Variants in CALD1 observed in about 807,000 individuals in gnomAD.
CALD1 encodes caldesmon 1.
Under a neutral mutation model 99.9 loss-of-function variants are expected in CALD1, and 33 were observed. The observed-to-expected ratio is 0.33, with a 90% confidence interval of 0.25 to 0.44. CALD1 has a LOEUF of 0.44. CALD1 is among the 20% of genes least tolerant of loss of function. The probability of loss-of-function intolerance (pLI) is 1.00; values close to 1 mark genes in which losing one functional copy is unlikely to be tolerated. For synonymous variants in CALD1, 310 were observed against 325.0 expected (o/e 0.95, Z 0.50); for missense variants, 861 against 962.1 (o/e 0.89, Z 1.39).
intron 3 of CALD1, 128 bp from the exon 4 acceptor site, chr7:134,928,626 C>A: frequency 1.3e-6 from 1 of 780,072 alleles, no homozygotes; most frequent in Non-Finnish European, 2.0e-6. Flanking sequence ...ACTGAACCAT[C>A]CTTTTAGACG....
intron 3 of CALD1, among the ~76,000 whole-genome samples, chr7:134,888,384 C>A (rs1318042350): frequency 6.6e-6 from 1 of 152,240 alleles, no homozygotes; most frequent in Non-Finnish European, 1.5e-5. Context: ...CAGCTGGACA[C>A]TGGGTACCAT....
At chr7:134,835,395 T>C (rs1799392745) in intron 1 of CALD1, among the ~76,000 whole-genome samples, 1 of 152,242 alleles carries the variant, frequency 6.6e-6, no homozygotes, top group African/African-American at 2.4e-5. Flanking sequence ...AGGAACAGGA[T>C]AATTCCACTT....
intron 1 of CALD1, among the ~76,000 whole-genome samples, chr7:134,751,567 G>A (rs894291499): frequency 2.0e-5 from 3 of 152,126 alleles, no homozygotes; most frequent in Admixed American, 6.6e-5. Flanking sequence ...CTAGAACCAT[G>A]GCTTTGTCTC....
At chr7:134,780,253 A>T (rs1797051104) in intron 1 of CALD1, among the ~76,000 whole-genome samples, 1 of 152,238 alleles carries the variant, frequency 6.6e-6, no homozygotes, top group Admixed American at 6.5e-5. Flanking sequence ...GTCTGCTGCC[A>T]GTATTTAAAA....
intron 7 of CALD1, among the ~76,000 whole-genome samples, chr7:134,946,064 AC>A (rs1195640159): frequency 2.0e-5 from 3 of 152,174 alleles, no homozygotes; most frequent in African/African-American, 7.2e-5. Context: ...CCAGTAACTT[AC>A]GGGAAAGGAC....
chr7:134,824,655 G>A (rs2132029679), intron 1 of CALD1, among the ~76,000 whole-genome samples: 1 of 152,204 alleles, frequency 6.6e-6, no homozygotes, highest in South Asian at 2.1e-4. Flanking sequence ...CACTGACCTT[G>A]TGCTATGTTT....
At chr7:134,714,539 C>T in the CALD1 span, among the ~76,000 whole-genome samples, 3 of 152,172 alleles carry the variant, frequency 2.0e-5, no homozygotes, top group Non-Finnish European at 4.4e-5. Flanking sequence ...AGGTTCTTGG[C>T]TTTGCTCAGG....
At chr7:134,806,297 G>A (rs573315860) in intron 1 of CALD1, among the ~76,000 whole-genome samples, 28 of 152,302 alleles carry the variant, frequency 1.8e-4, no homozygotes, top group Non-Finnish European at 3.4e-4. Context: ...ACAAAAAGGG[G>A]TTTTTCTCCC....
intron 3 of CALD1, among the ~76,000 whole-genome samples, chr7:134,925,611 A>T (rs1300003317): frequency 6.6e-6 from 1 of 152,164 alleles, no homozygotes; most frequent in East Asian, 1.9e-4. Context: ...TGAGCGAAGG[A>T]GGAACTTGCC....
chr7:134,881,972 C>T (rs1801623974), intron 3 of CALD1, among the ~76,000 whole-genome samples: 1 of 152,238 alleles, frequency 6.6e-6, no homozygotes, highest in South Asian at 2.1e-4. Flanking sequence ...CACCTTGGGT[C>T]TTACGTCGCA....
chr7:134,890,051 G>A (rs1563071066), intron 3 of CALD1, among the ~76,000 whole-genome samples: 1 of 152,110 alleles, frequency 6.6e-6, no homozygotes, highest in Non-Finnish European at 1.5e-5. Context: ...TGGGACTACA[G>A]GCACCTGCCA....
intron 2 of CALD1, among the ~76,000 whole-genome samples, chr7:134,863,464 G>A (rs1800652136): frequency 6.6e-6 from 1 of 152,196 alleles, no homozygotes; most frequent in African/African-American, 2.4e-5. Context: ...TAAGTGTTGA[G>A]TGCTGGGTTA....
rs1321398791 is a variant in CALD1, at chr7:134,783,938, A to G, written c.-130+4189A>G. Reference sequence around the variant, plus strand: ...ATTTCCAGAAAAGAAGCAATTTTCTATGGGGAGCTCGTGGGGGCTAGAGAA... The same window carrying G: ...ATTTCCAGAAAAGAAGCAATTTTCTGTGGGGAGCTCGTGGGGGCTAGAGAA... On this transcript the variant is annotated intron_variant, in intron 1 of 14. Transcript: ENST00000361675. This position sits in a 1 kb window ranked among gnomAD's most constrained non-coding sequence, Gnocchi z 4.3. 6.6e-6 allele frequency among the ~76,000 whole-genome samples: 1 copy of G among 152,194 alleles called. No homozygotes were observed.
At chr7:134,848,640 TGAA>T (rs1799951141) in intron 2 of CALD1, among the ~76,000 whole-genome samples, 1 of 152,188 alleles carries the variant, frequency 6.6e-6, no homozygotes. Context: ...TGGGCCCTAA[TGAA>T]GAAGCTCTTC....
upstream of CALD1, among the ~76,000 whole-genome samples, chr7:134,739,894 A>C (rs969149386): frequency 6.6e-6 from 1 of 151,724 alleles, no homozygotes; most frequent in African/African-American, 2.4e-5. Context: ...CAAATGGCAT[A>C]ATTTTATTCT....
intron 1 of CALD1, among the ~76,000 whole-genome samples, chr7:134,840,055 TG>T (rs1799591734): frequency 1.3e-5 from 2 of 152,200 alleles, no homozygotes; most frequent in Admixed American, 1.3e-4. Context: ...ACTCTTTTTA[TG>T]GTTTTTAGTT....
intron 3 of CALD1, among the ~76,000 whole-genome samples, chr7:134,899,468 G>A (rs1018964766): frequency 7.9e-5 from 12 of 152,130 alleles, no homozygotes; most frequent in African/African-American, 2.9e-4. Flanking sequence ...CTCACAGAGT[G>A]CTGGGATTTC....
chr7:134,784,679 G>C (rs960564158), intron 1 of CALD1, among the ~76,000 whole-genome samples: 1 of 152,200 alleles, frequency 6.6e-6, no homozygotes. Context: ...GGCCAGGATT[G>C]TAAGACACAG....
In CALD1 at chr7:134,768,904, T is replaced by C. The variant is rs557210850; in HGVS notation, c.-130+24541T>C. On this transcript the variant is annotated intron_variant, in intron 1 of 13. Transcript: ENST00000417172. ...TTGATGTGGTTCTAGTCCATTCTCA[T>C]ATGCATTCTTAAATGATTCATACAA... 2.0e-5 allele frequency among the ~76,000 whole-genome samples: 3 copies of C among 152,216 alleles called. No homozygotes were observed. The South Asian group carries it at 6.2e-4, about 32-fold the overall frequency.
Sources: allele counts gnomAD v4.1 joint callset (sites outside exome capture counted in the v4.1 genomes callset), GRCh38; gene constraint gnomAD v4.1.1; non-coding constraint Gnocchi (gnomAD v3.1); transcripts MANE v1.5; gene names NCBI Gene and HGNC (gene_info 2026-07-23, HGNC 2026-07-21).